The following ARSG variants were observed in gnomAD, a reference collection of about 807,000 sequenced individuals.
ARSG encodes ASG.
Under a neutral mutation model 50.5 loss-of-function variants are expected in ARSG, and 37 were observed. The observed-to-expected ratio is 0.73, with a 90% CI of 0.56 to 0.96. The LOEUF is 0.96. Among genes scored for constraint, ARSG ranks in the 50% least tolerant of loss-of-function variants. The pLI, the probability that ARSG is intolerant of heterozygous loss-of-function variation, is 0.00. For missense variants in ARSG, 629 were observed against 675.3 expected, an observed-to-expected ratio of 0.93 and a Z score of 0.76; for synonymous variants, 225 against 254.6, an observed-to-expected ratio of 0.88 and a Z score of 1.11.
chr17:68,298,593 TCAAA>T (rs1432113272), intron 1 of ARSG, among the ~76,000 whole-genome samples: 1 of 46,806 alleles, frequency 2.1e-5, no homozygotes, highest in Admixed American at 2.9e-4. Context: ...GGATCCTGTC[TCAAA>T]AAAAAAAAAA....
chr17:68,298,962 C>A (rs1377062445), intron 1 of ARSG, among the ~76,000 whole-genome samples: 1 of 152,008 alleles, frequency 6.6e-6, no homozygotes, highest in Admixed American at 6.6e-5. Context: ...TTTATAAAAA[C>A]ATATTTCATT....
chr17:68,449,411 G>T, the ARSG span, among the ~76,000 whole-genome samples: 16 of 152,302 alleles, frequency 1.1e-4, no homozygotes, highest in African/African-American at 3.8e-4. Flanking sequence ...GGATCCTTGA[G>T]CCCAGGAGTT....
chr17:68,356,385 G>A (rs566784968), intron 5 of ARSG, among the ~76,000 whole-genome samples: 5 of 152,184 alleles, frequency 3.3e-5, no homozygotes, highest in Admixed American at 1.3e-4. Context: ...TTCTCTCCCC[G>A]CAAAATGCAA....
chr17:68,303,032 A>G (rs2076477263), intron 1 of ARSG, among the ~76,000 whole-genome samples: 2 of 152,216 alleles, frequency 1.3e-5, no homozygotes, highest in South Asian at 4.1e-4. Context: ...AACATCAGAT[A>G]AGATCTGAGG....
At chr17:68,287,148 T>C (rs2075859831), upstream of ARSG, among the ~76,000 whole-genome samples, 1 of 152,150 alleles carries the variant, frequency 6.6e-6, no homozygotes, top group African/African-American at 2.4e-5. Context: ...CATGCCCGGC[T>C]AATTTTGTTT....
intron 2 of ARSG, among the ~76,000 whole-genome samples, chr17:68,317,008 C>G (rs1181301944): frequency 1.3e-5 from 2 of 152,224 alleles, no homozygotes; most frequent in Non-Finnish European, 2.9e-5. Flanking sequence ...TAACATTTCC[C>G]TTTTAGTTTG....
Position 68,355,882 on chromosome 17 carries a change from A to C in ARSG, c.567-785A>C, listed in dbSNP as rs1198412257. ...CAACCCATCTTATGTATTCCTTTTT[A>C]TGTATTTATTTATTTTTGAGATGGA... On this transcript the variant is annotated intron_variant, in intron 5 of 11. Coordinates refer to ENST00000621439, the MANE Select transcript of ARSG (RefSeq NM_001267727.2). Among the ~76,000 whole-genome samples the C allele has an allele frequency of 2.7e-5, 4 of 150,098 alleles. No individual in the cohort carries two copies. In the East Asian group the frequency reaches 7.9e-4, roughly 30 times the overall value.
intron 1 of ARSG, chr17:68,272,808 C>T (rs1599501193): frequency 1.9e-6 from 3 of 1,609,530 alleles, no homozygotes; most frequent in Non-Finnish European, 2.5e-6. Context: ...GACCCACATA[C>T]TGCTTGAGAC....
the ARSG span, among the ~76,000 whole-genome samples, chr17:68,441,738 C>T: frequency 6.6e-6 from 1 of 152,174 alleles, no homozygotes. Flanking sequence ...GTAACGCTCT[C>T]CGTGGCAACT....
At chr17:68,409,590 G>C (rs1183703184) in intron 11 of ARSG, among the ~76,000 whole-genome samples, 1 of 151,972 alleles carries the variant, frequency 6.6e-6, no homozygotes, top group Non-Finnish European at 1.5e-5. Flanking sequence ...GCTGAGGATT[G>C]ACTTGGCGAT....
chr17:68,356,554 T>G, intron 5 of ARSG, 113 bp from the exon 6 acceptor site: 1 of 1,265,130 alleles, frequency 7.9e-7, no homozygotes, highest in Non-Finnish European at 1.1e-6. Flanking sequence ...GAAAAATCAT[T>G]TGGGGCCAGA....
In ARSG at chr17:68,304,645, C is replaced by A. The variant is rs201304815; in HGVS notation, c.-551-2298C>A. On this transcript the variant is annotated intron_variant, in intron 1 of 11. Transcript: ENST00000621439. ...TTTTACACAGTGGTTCTCCTTTAAT[C>A]TGCTCCATACACTGGATGTTCAACT... 3.9e-5 allele frequency among the ~76,000 whole-genome samples: 6 copies of A among 152,198 alleles called. No individual in the cohort carries two copies. The East Asian group carries it at 1.2e-3, about 29-fold the overall frequency.
Position 68,368,649 on chromosome 17 carries a change from A to G in ARSG, c.806A>G (p.Tyr269Cys). The G allele has an allele frequency of 6.2e-7, 1 of 1,614,240 alleles. No homozygotes were observed. The highest frequency in any genetic ancestry group is 8.5e-7 in the Non-Finnish European group (1 of 1,180,034). Residue 269 changes from tyrosine (Y) to cysteine (C), a missense_variant, in exon 7 of 12, where the codon TAT (tyrosine) becomes TGT (cysteine). By Grantham distance (194) the Tyr-to-Cys change is radical (BLOSUM62 -2). Coordinates refer to ENST00000621439, the MANE Select transcript of ARSG (RefSeq NM_001267727.2). The part of the protein sequence containing the change: ...LPAAPRGRSL[Y>C]GAGLWEMDSL... ...GCAGCGCCACGGGGCAGAAGCCTGT[A>G]TGGTGCAGGGCTCTGGGAGATGGAC...
the ARSG span, among the ~76,000 whole-genome samples, chr17:68,446,886 A>T: frequency 5.0e-4 from 76 of 152,316 alleles, no homozygotes; most frequent in African/African-American, 1.6e-3. Flanking sequence ...TGCTGGCTGC[A>T]GATAAGACTA....
intron 1 of ARSG, chr17:68,267,132 T>TA (rs2075182927): frequency 6.6e-6 from 1 of 152,216 alleles, no homozygotes. Context: ...TCCAAACATT[T>TA]AAAACCTTGA....
At chr17:68,311,062 G>A (rs1555766544) in intron 2 of ARSG, among the ~76,000 whole-genome samples, 1 of 152,148 alleles carries the variant, frequency 6.6e-6, no homozygotes, top group East Asian at 1.9e-4. Flanking sequence ...GCCAGATGTG[G>A]CGGTGCACGG....
At chr17:68,300,501 C>T (rs1555761377) in intron 1 of ARSG, among the ~76,000 whole-genome samples, 1 of 152,114 alleles carries the variant, frequency 6.6e-6, no homozygotes, top group Admixed American at 6.5e-5. Flanking sequence ...AGACATTGAC[C>T]TGGAGCTTTC....
chr17:68,441,555 T>C, the ARSG span, among the ~76,000 whole-genome samples: 1 of 152,158 alleles, frequency 6.6e-6, no homozygotes, highest in African/African-American at 2.4e-5. Context: ...GAATGTATAA[T>C]TGGCAGGGCG....
In ARSG at chr17:68,420,805, T is replaced by C; in HGVS notation, c.*342T>C. On this transcript the variant is annotated 3_prime_UTR_variant, in exon 12 of 12. Coordinates refer to ENST00000621439, the MANE Select transcript of ARSG (RefSeq NM_001267727.2). The stretch of plus-strand genomic sequence containing the variant: ...AAATAAAGGCATACATGAAAATGCC[T>C]GGCAAATTACCTGACACAGAGCAGA... 7.0e-6 allele frequency: 2 copies of C among 286,464 alleles called. No individual in the cohort carries two copies. Among genetic ancestry groups the C allele is most frequent in the Non-Finnish European group, 1.3e-5 (2 of 152,150 alleles). 17.7% of individuals were successfully genotyped at this position (286,464 alleles called of 1,614,324 possible).
Sources: allele counts gnomAD v4.1 joint callset (sites outside exome capture counted in the v4.1 genomes callset), GRCh38; gene constraint gnomAD v4.1.1; transcripts MANE v1.5; gene names NCBI Gene and HGNC (gene_info 2026-07-23, HGNC 2026-07-21).